ZNF91: variants seen among roughly 807,000 people sequenced by gnomAD.
ZNF91 encodes zinc finger protein 91.
A neutral mutation model predicts 12.6 loss-of-function variants in ZNF91; 7 were observed. The observed-to-expected ratio is 0.55, with a 90% CI of 0.31 to 1.04. The LOEUF (loss-of-function observed/expected upper bound fraction) is 1.04, where lower values mean the gene tolerates loss of function less well. Among genes scored for constraint, ZNF91 ranks in the 50% least tolerant of loss-of-function variants. The pLI is 0.05. For synonymous variants in ZNF91, 453 were observed against 462.6 expected (o/e 0.98, Z 0.27); for missense variants, 1,217 against 1,385.4 (o/e 0.88, Z 1.93).
At chr19:23,375,859 C>G (rs184690811) in intron 1 of ZNF91, among the ~76,000 whole-genome samples, 88 of 152,160 alleles carry the variant, frequency 5.8e-4, no homozygotes, top group East Asian at 3.1e-3. Context: ...TTATTAATAC[C>G]AATTGCACTA....
At chr19:23,377,705 T>C (rs1047225618) in intron 1 of ZNF91, among the ~76,000 whole-genome samples, 2 of 152,222 alleles carry the variant, frequency 1.3e-5, no homozygotes, top group Non-Finnish European at 2.9e-5. Context: ...TTGCTGGCTC[T>C]TTAAAGTTCA....
chr19:23,329,080 A>G (rs1967884514), intron 1 of ZNF91: 1 of 152,228 alleles, frequency 6.6e-6, no homozygotes, highest in Non-Finnish European at 1.5e-5. Context: ...CATTCTTGAA[A>G]ATAAATTACA....
chr19:23,317,188 G>A (rs1163954959), intron 1 of ZNF91, among the ~76,000 whole-genome samples: 1 of 152,084 alleles, frequency 6.6e-6, no homozygotes, highest in African/African-American at 2.4e-5. Context: ...TGGGACTACA[G>A]GCACCCGCCA....
chr19:23,370,076 A>G (rs1969212735), intron 3 of ZNF91, among the ~76,000 whole-genome samples: 1 of 151,882 alleles, frequency 6.6e-6, no homozygotes. Context: ...GGAAAGCAGG[A>G]TGCACCCATT....
upstream of ZNF91, among the ~76,000 whole-genome samples, chr19:23,311,767 T>C (rs1967475239): frequency 6.6e-6 from 1 of 152,156 alleles, no homozygotes; most frequent in Non-Finnish European, 1.5e-5. Context: ...GTATATTGTG[T>C]ATTGTGAAAT....
intron 1 of ZNF91, among the ~76,000 whole-genome samples, chr19:23,381,389 G>A (rs1313743809): frequency 6.6e-6 from 1 of 151,232 alleles, no homozygotes; most frequent in African/African-American, 2.4e-5. Flanking sequence ...TAATTGTACT[G>A]AATAAATAGA....
chr19:23,334,896 CTAAA>C (rs531742237), downstream of ZNF91, among the ~76,000 whole-genome samples: 109 of 152,208 alleles, frequency 7.2e-4, no homozygotes, highest in African/African-American at 2.2e-3. Context: ...ACCAAGTTAC[CTAAA>C]TAGTTACTAA....
intron 1 of ZNF91, chr19:23,380,589 A>C (rs1969677110): frequency 6.6e-6 from 1 of 152,200 alleles, no homozygotes; most frequent in African/African-American, 2.4e-5. Context: ...GAGAAAGATT[A>C]TATTGAGAGA....
In ZNF91 at chr19:23,395,415, G is replaced by C; in HGVS notation, c.-61C>G. The C allele has an allele frequency of 6.3e-7, 1 of 1,599,506 alleles. No individual in the cohort carries two copies. The highest frequency in any genetic ancestry group is 8.5e-7 in the Non-Finnish European group (1 of 1,170,006). On this transcript the variant is annotated 5_prime_UTR_variant, in exon 1 of 4. Coordinates refer to ENST00000300619, the MANE Select transcript of ZNF91 (RefSeq NM_003430.4). ...GGCCACACAGGCTGGGCCTCCTGGAGCAGAGGACACAGAGCAGTGAAGTCG... is the reference window on the plus strand; with the variant it reads ...GGCCACACAGGCTGGGCCTCCTGGACCAGAGGACACAGAGCAGTGAAGTCG...
chr19:23,337,344 G>A (rs781166311), downstream of ZNF91, among the ~76,000 whole-genome samples: 6 of 116,828 alleles, frequency 5.1e-5, no homozygotes, highest in Admixed American at 1.2e-4. Context: ...ATATGTGTGT[G>A]TGTATGTGTG....
chr19:23,315,021 T>A (rs1294997248), upstream of ZNF91, among the ~76,000 whole-genome samples: 1 of 152,212 alleles, frequency 6.6e-6, no homozygotes, highest in Non-Finnish European at 1.5e-5. Flanking sequence ...TTCTGATCTT[T>A]ACCCACACAG....
intron 3 of ZNF91, among the ~76,000 whole-genome samples, chr19:23,349,814 T>C (rs973141340): frequency 1.3e-5 from 2 of 152,126 alleles, no homozygotes; most frequent in Non-Finnish European, 2.9e-5. Context: ...GGAGTACCTG[T>C]ATGTAATAAT....
intron 3 of ZNF91, among the ~76,000 whole-genome samples, chr19:23,366,169 C>T (rs1280520586): frequency 6.6e-6 from 1 of 152,142 alleles, no homozygotes; most frequent in African/African-American, 2.4e-5. Context: ...CCTCACCTCC[C>T]GGATGGGGTG....
At chr19:23,319,357 T>C (rs1328459573) in intron 1 of ZNF91, among the ~76,000 whole-genome samples, 1 of 152,254 alleles carries the variant, frequency 6.6e-6, no homozygotes, top group African/African-American at 2.4e-5. Flanking sequence ...CATACCTTTT[T>C]GTTTATCACC....
chr19:23,388,610 G>A (rs8100608), intron 1 of ZNF91, among the ~76,000 whole-genome samples: 2,690 of 152,242 alleles, frequency 0.018, 77 homozygotes, highest in African/African-American at 0.061. Context: ...AGTGGCTCAC[G>A]CCTGTAATCC....
chr19:23,324,416 A>T (rs1967797247), intron 1 of ZNF91: 1 of 151,832 alleles, frequency 6.6e-6, no homozygotes, highest in African/African-American at 2.4e-5. Context: ...CACCCAGCAC[A>T]AGTAGTGGCA....
At chr19:23,321,750 C>A (rs1356163653) in intron 1 of ZNF91, among the ~76,000 whole-genome samples, 2 of 152,076 alleles carry the variant, frequency 1.3e-5, no homozygotes, top group Non-Finnish European at 2.9e-5. Flanking sequence ...ATGTATCTTT[C>A]TTTTCTTACC....
chr19:23,360,731 C>G lies in ZNF91; in HGVS notation c.2248G>C (p.Ala750Pro), dbSNP rs552396941. ...KPYKCEECGKAFNWSSSLTKH... is the reference protein window; with the variant it reads ...KPYKCEECGKPFNWSSSLTKH... ...GTAAGGCTTGAGGACCAGTTAAATG[C>G]TTTGCCACATTCTTCACACTTGTAA... The change falls in exon 4 of 4, where the codon GCA becomes CCA. Residue 750 changes from alanine to proline, a missense_variant. Physicochemically the swap from Ala to Pro is conservative, Grantham distance 27. Around this residue, in one of 2 missense-constraint regions of ZNF91, gnomAD observed 726 missense variants for 895.5 expected, o/e 0.81. Coordinates refer to ENST00000300619, the MANE Select transcript of ZNF91 (RefSeq NM_003430.4). 8 of 1,613,788 alleles carry G rather than the reference C, an allele frequency of 5.0e-6. No individual in the cohort carries two copies. The East Asian group carries it at 1.8e-4, about 36-fold the overall frequency.
chr19:23,342,138 C>A, intron 3 of ZNF91: 1 of 427,946 alleles, frequency 2.3e-6, no homozygotes, highest in Non-Finnish European at 4.3e-6. Flanking sequence ...TATCCCTCGT[C>A]TCTGTTATCT....
Sources: allele counts gnomAD v4.1 joint callset (sites outside exome capture counted in the v4.1 genomes callset), GRCh38; gene constraint gnomAD v4.1.1; regional missense constraint gnomAD v4.1.1; transcripts MANE v1.5; gene names NCBI Gene and HGNC (gene_info 2026-07-23, HGNC 2026-07-21).